ADCY10: variants seen among roughly 807,000 people sequenced by gnomAD.
ADCY10 encodes adenylate cyclase 10, also known as adenylate cyclase type 10.
Under a neutral mutation model 183.3 loss-of-function variants are expected in ADCY10, and 156 were observed. The observed-to-expected ratio is 0.85, with a 90% CI of 0.75 to 0.97. The LOEUF (loss-of-function observed/expected upper bound fraction) is 0.97. Among genes scored for constraint, ADCY10 ranks in the 50% least tolerant of loss-of-function variants. ADCY10 has a pLI of 0.00. For missense variants in ADCY10, 1,745 were observed against 1,934.3 expected, an observed-to-expected ratio of 0.90 and a Z score of 1.84; for synonymous variants, 645 against 670.0, an observed-to-expected ratio of 0.96 and a Z score of 0.58.
At chr1:167,858,795 G>C (rs774133884) in intron 16 of ADCY10, among the ~76,000 whole-genome samples, 5 of 152,144 alleles carry the variant, frequency 3.3e-5, no homozygotes, top group African/African-American at 1.2e-4. Context: ...ATAAAGTATG[G>C]GTTGGTGTGA....
At position 167,820,297 on chromosome 1, in the gene ADCY10, C is replaced by T. The variant is rs764484286; in HGVS notation, c.4286+1727G>A. ...TGGCGCCGCAGCGCCGGCCGCCTAG[C>T]CAAGTCTCTGGGAAGGGGACTAGCC... On this transcript the variant is annotated intron_variant, in intron 30 of 32. Coordinates refer to ENST00000367851, the MANE Select transcript of ADCY10 (RefSeq NM_018417.6). 434 of 1,296,082 alleles carry T rather than the reference C, an allele frequency of 3.3e-4. 1 individual carries two copies. Among genetic ancestry groups the T allele is most frequent in the Non-Finnish European group, 4.2e-4 (402 of 950,364 alleles). The allele number at this position is 1,296,082 out of a possible 1,614,324, so 80.3% of individuals were successfully genotyped here.
At chr1:167,825,089 T>C (rs1216090945) in intron 26 of ADCY10, among the ~76,000 whole-genome samples, 2 of 152,216 alleles carry the variant, frequency 1.3e-5, no homozygotes, top group African/African-American at 2.4e-5. Flanking sequence ...AAATGAAATA[T>C]AAAAATTTTA....
chr1:167,835,557 A>G lies in ADCY10; in HGVS notation c.3309+752T>C, dbSNP rs115210914. On this transcript the variant is annotated intron_variant, in intron 23 of 32. Transcript: ENST00000367851. ...ATAATCTAGCACACATTGCATGATG[A>G]CAAAGGCAGGGAGAGCCTCTTTGGG... Among the ~76,000 whole-genome samples the G allele has an allele frequency of 8.4e-3, 1,284 of 152,296 alleles. 20 individuals carry two copies. Among genetic ancestry groups the G allele is most frequent in the African/African-American group, 0.03 (1,243 of 41,548 alleles).
intron 1 of ADCY10, among the ~76,000 whole-genome samples, chr1:167,913,735 G>A (rs981649755): frequency 2.0e-5 from 3 of 151,412 alleles, no homozygotes; most frequent in African/African-American, 7.3e-5. Flanking sequence ...CAGAAAAGAG[G>A]CAAATAAAGA....
chr1:167,865,829 C>A (rs1470823307), intron 14 of ADCY10, among the ~76,000 whole-genome samples: 1 of 152,174 alleles, frequency 6.6e-6, no homozygotes, highest in East Asian at 1.9e-4. Context: ...CCTCATTGTC[C>A]CCCTTCCACT....
intron 21 of ADCY10, among the ~76,000 whole-genome samples, chr1:167,839,473 C>T (rs896809933): frequency 6.6e-6 from 1 of 152,168 alleles, no homozygotes; most frequent in Non-Finnish European, 1.5e-5. Flanking sequence ...ATGAGGCAAG[C>T]CTTTTACATG....
chr1:167,824,938 G>T, intron 26 of ADCY10, 83 bp from the exon 27 acceptor site: 1 of 1,333,980 alleles, frequency 7.5e-7, no homozygotes, highest in Non-Finnish European at 1.1e-6. Flanking sequence ...GCCAGTAAAT[G>T]TTTGTTTATT....
intron 8 of ADCY10, among the ~76,000 whole-genome samples, chr1:167,893,104 G>A (rs1668712658): frequency 6.6e-6 from 1 of 152,192 alleles, no homozygotes; most frequent in South Asian, 2.1e-4. Flanking sequence ...AATAAAAAGA[G>A]AAAATATTGG....
In ADCY10 at chr1:167,856,226, C is replaced by G. The variant is rs774828588; in HGVS notation, c.2110G>C (p.Asp704His). 6.2e-7 allele frequency: 1 copy of G among 1,613,818 alleles called. No individual in the cohort carries two copies. The highest frequency in any genetic ancestry group is 8.5e-7 in the Non-Finnish European group (1 of 1,179,820). Residue 704 changes from aspartate (D) to histidine (H), a missense_variant, in exon 17 of 33, where the codon GAC becomes CAC. Asp to His is a moderately conservative substitution (Grantham distance 81, BLOSUM62 -1). Coordinates refer to ENST00000367851, the MANE Select transcript of ADCY10 (RefSeq NM_018417.6). ...YIVIGAVQPN[D>H]ISNKICLDLN... is the part of the protein sequence containing the mutation. ...TCAAGACAGATCTTGTTGGAGATGT[C>G]GTTAGGCTGTACTGCACCAATGACA...
intron 12 of ADCY10, 131 bp downstream of exon 12, chr1:167,878,315 C>T (rs1477435681): frequency 2.0e-6 from 2 of 999,986 alleles, no homozygotes; most frequent in Non-Finnish European, 3.1e-6. Flanking sequence ...AAGTCTGGGC[C>T]TTGGTCTGGG....
intron 29 of ADCY10, 33 bp from the exon 30 acceptor site, chr1:167,822,174 G>T: frequency 7.7e-7 from 1 of 1,303,440 alleles, no homozygotes; most frequent in Non-Finnish European, 1.1e-6. Context: ...AGAGTTATTA[G>T]TAGGTGTGGG....
chr1:167,904,853 T>G, intron 2 of ADCY10, 140 bp downstream of exon 2: 1 of 1,093,588 alleles, frequency 9.1e-7, no homozygotes, highest in Non-Finnish European at 1.4e-6. Flanking sequence ...CTCCCTCTTG[T>G]GTTCTCAGTG....
At chr1:167,829,858 T>A (rs1663583723) in intron 25 of ADCY10, among the ~76,000 whole-genome samples, 1 of 152,190 alleles carries the variant, frequency 6.6e-6, no homozygotes, top group South Asian at 2.1e-4. Context: ...GTGCCAGGAT[T>A]CAAACTCCAT....
chr1:167,837,178 T>C, intron 22 of ADCY10, 71 bp downstream of exon 22: 1 of 1,389,958 alleles, frequency 7.2e-7, no homozygotes, highest in Non-Finnish European at 1.0e-6. Context: ...AGACAAATGA[T>C]TCTAATAGTG....
chr1:167,904,817 A>G (rs1343261551), intron 2 of ADCY10, 176 bp downstream of exon 2: 15 of 775,486 alleles, frequency 1.9e-5, no homozygotes, highest in Non-Finnish European at 3.3e-5. Context: ...GGAGGATGAG[A>G]GAGAGCCAGG....
intron 30 of ADCY10, among the ~76,000 whole-genome samples, chr1:167,819,622 G>C (rs1662755554): frequency 6.6e-6 from 1 of 151,980 alleles, no homozygotes; most frequent in East Asian, 1.9e-4. Context: ...GAGTGCAATG[G>C]CGCGATCTTG....
At position 167,824,794 on chromosome 1, in the gene ADCY10, C is replaced by T. The variant is rs752702356; in HGVS notation, c.3812G>A (p.Trp1271Ter). Reference protein sequence around the residue: ...YHHLAGYKGVWFKYEVMAMEH... With the variant: ...YHHLAGYKGV ...CATGGCCATGACTTCATATTTGAAC[C>T]ACACACCTTTGTAGCCAGCCAGGTG... The change falls in exon 27 of 33, where the codon TGG becomes TAG. Residue 1271 changes from tryptophan to a stop codon, truncating the protein, a stop_gained. Coordinates refer to ENST00000367851, the MANE Select transcript of ADCY10 (RefSeq NM_018417.6). LOFTEE classifies it high-confidence loss of function. 2.5e-6 allele frequency: 4 copies of T among 1,614,112 alleles called. No homozygotes were observed.
Position 167,809,784 on chromosome 1 carries a change from A to G in ADCY10, c.4727T>C (p.Leu1576Ser), listed in dbSNP as rs1224975317. The change falls in exon 33 of 33, where the codon TTG becomes TCG. Residue 1576 changes from leucine (L) to serine (S), a missense_variant. By Grantham distance (145) the Leu-to-Ser change is moderately radical (BLOSUM62 -2). Coordinates refer to ENST00000367851, the MANE Select transcript of ADCY10 (RefSeq NM_018417.6). ...AATTTTTTCCCATGATGGGAGACTC[A>G]AGATCGTCTGAAGCCATTGGTCTTC... ...LKEDQWLQTI[L>S]SLPSWEKIVA... is the part of the protein sequence containing the mutation. 3.1e-6 allele frequency: 5 copies of G among 1,614,172 alleles called. No homozygotes were observed. The highest frequency in any genetic ancestry group is 4.2e-6 in the Non-Finnish European group (5 of 1,180,006).
chr1:167,818,811 T>G (rs1436131544), intron 30 of ADCY10, among the ~76,000 whole-genome samples: 1 of 152,204 alleles, frequency 6.6e-6, no homozygotes, highest in African/African-American at 2.4e-5. Flanking sequence ...AGTGCTGGGA[T>G]TACAGGCTGT....
Sources: allele counts gnomAD v4.1 joint callset (sites outside exome capture counted in the v4.1 genomes callset), GRCh38; gene constraint gnomAD v4.1.1; transcripts MANE v1.5; gene names NCBI Gene and HGNC (gene_info 2026-07-23, HGNC 2026-07-21).